The following CA10 variants were observed in gnomAD, a reference collection of about 807,000 sequenced individuals.
CA10 encodes the protein carbonic anhydrase 10 (inactive), also known as carbonic anhydrase-related protein 10.
A neutral mutation model predicts 44.2 loss-of-function variants in CA10; 14 were observed. That is an observed-to-expected ratio of 0.32 (90% confidence interval 0.21 to 0.50). The LOEUF (loss-of-function observed/expected upper bound fraction) is 0.50, where lower values mean the gene tolerates loss of function less well. CA10 is among the 20% of genes least tolerant of loss of function. The pLI, the probability that CA10 is intolerant of heterozygous loss-of-function variation, is 0.99. For missense variants in CA10, 350 were observed against 409.7 expected, an observed-to-expected ratio of 0.85 and a Z score of 1.26; for synonymous variants, 159 against 141.6, an observed-to-expected ratio of 1.12 and a Z score of -0.87.
At chr17:51,930,891 G>A in intron 3 of CA10, 99 bp downstream of exon 3, 1 of 1,399,022 alleles carries the variant, frequency 7.1e-7, no homozygotes. Flanking sequence ...CTAGGTGGGA[G>A]GACAAACTCA....
intron 2 of CA10, among the ~76,000 whole-genome samples, chr17:52,031,029 T>G (rs1049726247): frequency 2.0e-5 from 3 of 152,168 alleles, no homozygotes; most frequent in African/African-American, 7.2e-5. Context: ...AAATCTCTTC[T>G]CATTTATCCA....
chr17:51,839,219 A>ACGGTGG (rs1015769783), intron 3 of CA10, among the ~76,000 whole-genome samples: 2 of 152,160 alleles, frequency 1.3e-5, no homozygotes, highest in African/African-American at 4.8e-5. Flanking sequence ...TTGGCCGGGC[A>ACGGTGG]CGGTGGCTCA....
chr17:51,891,506 T>C (rs1322044365), intron 3 of CA10, among the ~76,000 whole-genome samples: 1 of 152,184 alleles, frequency 6.6e-6, no homozygotes, highest in East Asian at 1.9e-4. Flanking sequence ...GGAAGAAAAG[T>C]CTGGAAAGAA....
chr17:51,751,347 G>A (rs771164113), intron 3 of CA10, among the ~76,000 whole-genome samples: 1 of 152,122 alleles, frequency 6.6e-6, no homozygotes, highest in Admixed American at 6.5e-5. Context: ...AACAGATGGT[G>A]GTGATGGTTG....
intron 3 of CA10, among the ~76,000 whole-genome samples, chr17:51,815,218 C>T (rs975794517): frequency 2.0e-5 from 3 of 152,106 alleles, no homozygotes; most frequent in Admixed American, 6.6e-5. Context: ...ATGATGAATG[C>T]CCTATGGTAC....
At chr17:51,996,166 C>T (rs781020267) in intron 2 of CA10, among the ~76,000 whole-genome samples, 1 of 151,980 alleles carries the variant, frequency 6.6e-6, no homozygotes, top group Admixed American at 6.6e-5. Context: ...AGTAGTTATT[C>T]ATGTCAGAGG....
intron 2 of CA10, among the ~76,000 whole-genome samples, chr17:52,072,073 C>G (rs1207364287): frequency 1.3e-5 from 2 of 152,166 alleles, no homozygotes; most frequent in East Asian, 3.9e-4. Context: ...CAGCTTCGGC[C>G]CTTAATCATC....
chr17:52,148,758 GA>G (rs1243986430), intron 1 of CA10, among the ~76,000 whole-genome samples: 3 of 151,482 alleles, frequency 2.0e-5, no homozygotes, highest in Admixed American at 6.6e-5. Context: ...TGGGTAATGG[GA>G]AAAAAAACAC....
At chr17:51,866,845 T>C (rs1979569240) in intron 3 of CA10, among the ~76,000 whole-genome samples, 1 of 152,144 alleles carries the variant, frequency 6.6e-6, no homozygotes, top group Admixed American at 6.5e-5. Context: ...TATAAAATAA[T>C]ACTGAATATT....
rs184508634 is a variant in CA10 at position 52,050,121 on chromosome 17, T to A, written c.136+22198A>T. On this transcript the variant is annotated intron_variant, in intron 2 of 8. Coordinates refer to ENST00000451037, the MANE Select transcript of CA10 (RefSeq NM_020178.5). The stretch of plus-strand genomic sequence containing the variant: ...ATTTCTCAGAACATATCCCCACTGA[T>A]AAGTGACACATGACTATTTGAATCT... Among the ~76,000 whole-genome samples, 14 of 152,188 alleles carry A rather than the reference T, an allele frequency of 9.2e-5. No individual in the cohort carries two copies. In the East Asian group the frequency reaches 1.4e-3, roughly 15 times the overall value.
chr17:51,669,693 A>G (rs986521909), intron 4 of CA10, among the ~76,000 whole-genome samples: 14 of 152,218 alleles, frequency 9.2e-5, no homozygotes, highest in African/African-American at 2.4e-4. Flanking sequence ...CACTCACTGC[A>G]AAGGCCTGCA....
chr17:52,126,826 T>G (rs961686078), intron 1 of CA10, among the ~76,000 whole-genome samples: 8 of 152,238 alleles, frequency 5.3e-5, no homozygotes, highest in Non-Finnish European at 1.2e-4. Context: ...GCATACTTTA[T>G]GTAGCTTTAT....
chr17:52,157,914 A>AGCGAGTG lies in CA10; in HGVS notation c.-129_-128insCACTCGC. ...GAGTGCACACTCGCACTCCCACCCG[A>AGCGAGTG]CAGCCGGCCAGGGACAGTCACCCCC... On this transcript the variant is annotated 5_prime_UTR_variant, in exon 1 of 9. Coordinates refer to ENST00000451037, the MANE Select transcript of CA10 (RefSeq NM_020178.5). 1 of 768,886 alleles carries AGCGAGTG rather than the reference A, an allele frequency of 1.3e-6. No individual in the cohort carries two copies. Among genetic ancestry groups the AGCGAGTG allele is most frequent in the Non-Finnish European group, 2.3e-6 (1 of 428,154 alleles). The allele number at this position is 768,886 out of a possible 1,614,324, so 47.6% of individuals were successfully genotyped here. A position where few individuals can be genotyped will look rare whatever the true frequency, so the allele number is the denominator to read the frequency against.
At chr17:52,002,589 C>T (rs1326906559) in intron 2 of CA10, among the ~76,000 whole-genome samples, 1 of 150,628 alleles carries the variant, frequency 6.6e-6, no homozygotes, top group Non-Finnish European at 1.5e-5. Flanking sequence ...AATGAGCATG[C>T]ACTATATCTA....
chr17:51,718,834 G>A (rs925879252), intron 4 of CA10, among the ~76,000 whole-genome samples: 32 of 152,174 alleles, frequency 2.1e-4, no homozygotes, highest in Admixed American at 1.3e-3. Flanking sequence ...AAATCCTCAC[G>A]TGTTTTGGCA....
rs75735719 is a variant in CA10 at position 51,717,855 on chromosome 17, A to G, written c.465+29778T>C. 2.9e-4 allele frequency among the ~76,000 whole-genome samples: 12 copies of G among 41,828 alleles called. 1 individual carries two copies. Among genetic ancestry groups the G allele is most frequent in the African/African-American group, 6.2e-4 (10 of 16,164 alleles). 27.4% of individuals were successfully genotyped at this position (41,828 alleles called of 152,430 possible). A position where few individuals can be genotyped will look rare whatever the true frequency, so the allele number is the denominator to read the frequency against. On this transcript the variant is annotated intron_variant, in intron 4 of 8. Coordinates refer to ENST00000451037, the MANE Select transcript of CA10 (RefSeq NM_020178.5). ...TATATATATATATATATATATATAT[A>G]TATATATATATATACAGGATAGAAT...
At chr17:52,044,918 T>G (rs1377487626) in intron 2 of CA10, among the ~76,000 whole-genome samples, 2 of 151,274 alleles carry the variant, frequency 1.3e-5, no homozygotes, top group Non-Finnish European at 2.9e-5. Context: ...TGTGAAGAAA[T>G]CATGGCCAAA....
intron 3 of CA10, among the ~76,000 whole-genome samples, chr17:51,926,145 A>G (rs1220301188): frequency 1.3e-5 from 2 of 152,204 alleles, no homozygotes; most frequent in Non-Finnish European, 2.9e-5. Context: ...ATGAAGAACT[A>G]TCGGTAGTTA....
At chr17:52,149,589 A>C (rs957558840) in intron 1 of CA10, among the ~76,000 whole-genome samples, 1 of 152,236 alleles carries the variant, frequency 6.6e-6, no homozygotes, top group East Asian at 1.9e-4. Context: ...GTTACATGAA[A>C]TAAAAACTGC....
Sources: gnomAD v4.1 joint callset for allele counts (sites outside exome capture counted in the v4.1 genomes callset) on GRCh38, gnomAD v4.1.1 for gene constraint, MANE v1.5 for transcripts, NCBI Gene and HGNC (gene_info 2026-07-23, HGNC 2026-07-21) for gene names.